The following PKP4 variants were observed in gnomAD, a reference collection of about 807,000 sequenced individuals.
The protein encoded by PKP4 is plakophilin-4.
In PKP4, 90 loss-of-function variants were observed where a neutral mutation model predicts 145.1. The observed-to-expected ratio is 0.62, with a 90% CI of 0.52 to 0.74. PKP4 has a LOEUF of 0.74. Among genes scored for constraint, PKP4 ranks in the 30% least tolerant of loss-of-function variants. PKP4 has a pLI of 0.00. For missense variants in PKP4, 1,340 were observed against 1,482.7 expected (o/e 0.90, Z 1.58); for synonymous variants, 563 against 577.2 (o/e 0.98, Z 0.35).
At chr2:158,577,191 T>C (rs893120303) in intron 2 of PKP4, 80 bp from the exon 3 acceptor site, 4 of 823,418 alleles carry the variant, frequency 4.9e-6, no homozygotes, top group Non-Finnish European at 7.9e-6. Context: ...CTATGTTTCC[T>C]GTGACATACA....
At chr2:158,665,147 A>G (rs2056963394) in intron 15 of PKP4, among the ~76,000 whole-genome samples, 1 of 152,192 alleles carries the variant, frequency 6.6e-6, no homozygotes, top group Non-Finnish European at 1.5e-5. Flanking sequence ...GTAAGAAGCT[A>G]TTTCAGGAGC....
At chr2:158,499,798 C>T (rs1696287539) in intron 1 of PKP4, among the ~76,000 whole-genome samples, 1 of 152,042 alleles carries the variant, frequency 6.6e-6, no homozygotes, top group African/African-American at 2.4e-5. Context: ...CTGCACCTGC[C>T]CATAGATTTG....
intron 1 of PKP4, among the ~76,000 whole-genome samples, chr2:158,487,457 A>T (rs1456166434): frequency 2.0e-5 from 3 of 152,320 alleles, no homozygotes; most frequent in Admixed American, 6.5e-5. Flanking sequence ...TCAGAATCCA[A>T]ACTTTAATTT....
chr2:158,495,350 TA>T (rs60436493), intron 1 of PKP4, among the ~76,000 whole-genome samples: 117,955 of 139,464 alleles, frequency 0.85, 48,513 homozygotes, highest in Middle Eastern at 0.9. Flanking sequence ...TCTGGAGAGT[TA>T]AAAAAAAAAA....
At chr2:158,493,317 A>G (rs1011627054) in intron 1 of PKP4, among the ~76,000 whole-genome samples, 4 of 152,186 alleles carry the variant, frequency 2.6e-5, no homozygotes, top group African/African-American at 9.7e-5. Flanking sequence ...ATCATTCACC[A>G]GTGAGCCAAA....
intron 1 of PKP4, among the ~76,000 whole-genome samples, chr2:158,460,519 A>G (rs974508401): frequency 6.6e-6 from 1 of 152,204 alleles, no homozygotes; most frequent in African/African-American, 2.4e-5. Context: ...AATAATATTC[A>G]TACCCTGGAT....
chr2:158,626,963 A>T (rs1364773613), intron 7 of PKP4, among the ~76,000 whole-genome samples: 1 of 152,160 alleles, frequency 6.6e-6, no homozygotes, highest in Non-Finnish European at 1.5e-5. Flanking sequence ...ACTGTTTAAC[A>T]TTCTTACATA....
intron 2 of PKP4, among the ~76,000 whole-genome samples, chr2:158,555,063 A>G (rs1405865130): frequency 3.3e-5 from 5 of 152,226 alleles, no homozygotes; most frequent in Non-Finnish European, 7.4e-5. Flanking sequence ...TACATGTTTT[A>G]TTTAGTGAAA....
chr2:158,559,712 G>GT (rs373175166), intron 2 of PKP4, among the ~76,000 whole-genome samples: 49 of 152,078 alleles, frequency 3.2e-4, no homozygotes, highest in African/African-American at 1.1e-3. Context: ...CAAGGGCAGA[G>GT]TTTTTTTTGT....
At chr2:158,639,321 GGTGT>G (rs60771839) in intron 9 of PKP4, among the ~76,000 whole-genome samples, 4 of 137,722 alleles carry the variant, frequency 2.9e-5, no homozygotes, top group East Asian at 2.2e-4. Flanking sequence ...ACGCATGAGG[GGTGT>G]GTGTGTGTGT....
chr2:158,665,482 G>A (rs1370818875), intron 15 of PKP4, among the ~76,000 whole-genome samples: 6 of 152,126 alleles, frequency 3.9e-5, no homozygotes, highest in East Asian at 1.9e-4. Context: ...TTTAATGTTC[G>A]AAATAATACA....
At chr2:158,640,094 G>A (rs1156319028) in intron 9 of PKP4, among the ~76,000 whole-genome samples, 1 of 152,200 alleles carries the variant, frequency 6.6e-6, no homozygotes, top group Non-Finnish European at 1.5e-5. Context: ...AGGATGACTG[G>A]TCAAATACTT....
At position 158,613,110 on chromosome 2, in the gene PKP4, A is replaced by G. The variant is rs547950168; in HGVS notation, c.281-7880A>G. Among the ~76,000 whole-genome samples the G allele has an allele frequency of 7.9e-5, 12 of 152,226 alleles. No homozygotes were observed. The South Asian group carries it at 2.3e-3, about 29-fold the overall frequency. On this transcript the variant is annotated intron_variant, in intron 4 of 21. Coordinates refer to ENST00000389759, the MANE Select transcript of PKP4 (RefSeq NM_003628.6). Reference sequence around the variant, plus strand: ...TTCAGAGTCACCTGCAGAGCTACTAAAATCTTGACGCCCAGGCATCACCCC... The same window carrying G: ...TTCAGAGTCACCTGCAGAGCTACTAGAATCTTGACGCCCAGGCATCACCCC...
intron 20 of PKP4, 139 bp downstream of exon 20, chr2:158,677,006 C>A: frequency 9.8e-7 from 1 of 1,018,152 alleles, no homozygotes; most frequent in South Asian, 1.3e-5. Context: ...CATTCCCTTT[C>A]CTACTTTGGG....
intron 3 of PKP4, among the ~76,000 whole-genome samples, chr2:158,599,792 TCCA>T (rs1285798253): frequency 2.0e-5 from 3 of 152,202 alleles, no homozygotes; most frequent in African/African-American, 7.2e-5. Context: ...CACCACTGTA[TCCA>T]CCACAAATGC....
In PKP4 at chr2:158,584,137, T is replaced by C. The variant is rs377286508; in HGVS notation, c.245+6754T>C. 1.3e-4 allele frequency among the ~76,000 whole-genome samples: 20 copies of C among 152,298 alleles called. 2 individuals carry two copies. Among genetic ancestry groups the C allele is most frequent in the South Asian group, 1.2e-3 (6 of 4,828 alleles). The stretch of plus-strand genomic sequence containing the variant: ...GGGGACCCAGTGATTCGAGGCCAAC[T>C]GAGGCTCCGGCTCCGAGGCCAACCG... On this transcript the variant is annotated intron_variant, in intron 3 of 21. Coordinates refer to ENST00000389759, the MANE Select transcript of PKP4 (RefSeq NM_003628.6).
At position 158,588,721 on chromosome 2, in the gene PKP4, A is replaced by T. The variant is rs78505901; in HGVS notation, c.245+11338A>T. On this transcript the variant is annotated intron_variant, in intron 3 of 21. Transcript: ENST00000389759. ...ACCTATAATATAATAATAAATCTCA[A>T]ATTATCCAAACCTGCCACTTAGGGT... Among the ~76,000 whole-genome samples, 29 of 152,262 alleles carry T rather than the reference A, an allele frequency of 1.9e-4. 3 individuals carry two copies. The East Asian group carries it at 5.4e-3, about 28-fold the overall frequency.
At chr2:158,648,507 T>A (rs1053950480) in intron 11 of PKP4, among the ~76,000 whole-genome samples, 1 of 152,122 alleles carries the variant, frequency 6.6e-6, no homozygotes, top group Non-Finnish European at 1.5e-5. Flanking sequence ...ATGAAAACAG[T>A]TTACGAAGCA....
intron 2 of PKP4, among the ~76,000 whole-genome samples, chr2:158,566,399 T>C (rs916163824): frequency 7.9e-5 from 12 of 152,206 alleles, no homozygotes; most frequent in Admixed American, 6.5e-4. Context: ...CGGACTATTA[T>C]CATATACTGT....
Sources: gnomAD v4.1 joint callset for allele counts (sites outside exome capture counted in the v4.1 genomes callset) on GRCh38, gnomAD v4.1.1 for gene constraint, MANE v1.5 for transcripts, NCBI Gene and HGNC (gene_info 2026-07-23, HGNC 2026-07-21) for gene names.